Variants in CYP4X1 observed in about 807,000 individuals in gnomAD.
The protein encoded by CYP4X1 is cytochrome P450 family 4 subfamily X member 1.
A neutral mutation model predicts 57.9 loss-of-function variants in CYP4X1; 44 were observed. The observed-to-expected ratio is 0.76, with a 90% CI of 0.60 to 0.98. The LOEUF is 0.98. CYP4X1 is among the 50% of genes least tolerant of loss of function. CYP4X1 has a pLI of 0.00. For missense variants in CYP4X1, 532 were observed against 623.9 expected (o/e 0.85, Z 1.57); for synonymous variants, 227 against 228.6 (o/e 0.99, Z 0.06).
At chr1:46,967,483 G>A in the CYP4X1 span, among the ~76,000 whole-genome samples, 4 of 152,154 alleles carry the variant, frequency 2.6e-5, no homozygotes, top group Non-Finnish European at 4.4e-5. Context: ...AGGTAGGCAG[G>A]AGAGAGGTAG....
chr1:46,967,460 C>G, the CYP4X1 span, among the ~76,000 whole-genome samples: 5 of 151,844 alleles, frequency 3.3e-5, no homozygotes, highest in Admixed American at 2.0e-4. Flanking sequence ...GCTGGATGGA[C>G]AGTCTGTGAT....
At chr1:47,010,237 G>C in the CYP4X1 span, among the ~76,000 whole-genome samples, 4 of 152,166 alleles carry the variant, frequency 2.6e-5, no homozygotes, top group African/African-American at 9.7e-5. Context: ...TTCAACCCTG[G>C]TATGCAAGGC....
chr1:46,962,990 C>T, the CYP4X1 span, among the ~76,000 whole-genome samples: 2 of 152,076 alleles, frequency 1.3e-5, no homozygotes, highest in Non-Finnish European at 2.9e-5. Context: ...TGAATTGATC[C>T]CTTTACCATT....
intron 3 of CYP4X1, 71 bp from the exon 4 acceptor site, chr1:47,033,170 C>T: frequency 2.6e-6 from 4 of 1,551,274 alleles, no homozygotes; most frequent in Non-Finnish European, 3.5e-6. Context: ...TCCACGCTGC[C>T]TGTGTTCCTC....
At chr1:47,002,799 A>G in the CYP4X1 span, among the ~76,000 whole-genome samples, 1 of 152,248 alleles carries the variant, frequency 6.6e-6, no homozygotes, top group South Asian at 2.1e-4. Flanking sequence ...TGTTTCTGCC[A>G]ATATTGTGAT....
chr1:47,023,465 A>C, upstream of CYP4X1: 1 of 944,624 alleles, frequency 1.1e-6, no homozygotes. Flanking sequence ...AATTTGTGAT[A>C]AGGAAGAAAA....
At chr1:46,965,266 C>T in the CYP4X1 span, among the ~76,000 whole-genome samples, 1 of 152,166 alleles carries the variant, frequency 6.6e-6, no homozygotes, top group Admixed American at 6.5e-5. Context: ...TTTCCTGCAC[C>T]CACTGTCTGA....
the CYP4X1 span, among the ~76,000 whole-genome samples, chr1:46,970,508 T>C: frequency 2.0e-5 from 3 of 152,210 alleles, no homozygotes; most frequent in Non-Finnish European, 2.9e-5. Flanking sequence ...AGACTCACCT[T>C]GATCCTATTG....
intron 8 of CYP4X1, among the ~76,000 whole-genome samples, chr1:47,044,096 T>G (rs1345250086): frequency 6.6e-6 from 1 of 152,210 alleles, no homozygotes; most frequent in Admixed American, 6.5e-5. Context: ...AAGGTAATTA[T>G]TGACAGACAA....
At chr1:46,987,647 C>T in the CYP4X1 span, among the ~76,000 whole-genome samples, 1 of 152,192 alleles carries the variant, frequency 6.6e-6, no homozygotes. Context: ...AAACACTCCT[C>T]AGCAAATGCA....
the CYP4X1 span, among the ~76,000 whole-genome samples, chr1:47,005,955 T>C: frequency 2.6e-5 from 4 of 152,216 alleles, no homozygotes; most frequent in African/African-American, 4.8e-5. Context: ...TGTATTTAAC[T>C]TTGAGACATG....
At chr1:46,967,862 T>G in the CYP4X1 span, 2 of 1,109,514 alleles carry the variant, frequency 1.8e-6, no homozygotes, top group Non-Finnish European at 2.4e-6. Context: ...TTTTTCCCAA[T>G]GCAGGTCCTG....
rs564152393 is a variant in CYP4X1, at chr1:47,050,489, C to T, written c.*315C>T. On this transcript the variant is annotated 3_prime_UTR_variant, in exon 12 of 12. Transcript: ENST00000371901. Reference sequence around the variant, plus strand: ...TTCAGAATTATGCAAGTAATAAGTGCATGTATGCTCACTGTCAAAAATTCC... The same window carrying T: ...TTCAGAATTATGCAAGTAATAAGTGTATGTATGCTCACTGTCAAAAATTCC... 14 of 173,814 alleles carry T rather than the reference C, an allele frequency of 8.1e-5. No individual in the cohort carries two copies. The South Asian group carries it at 2.2e-3, about 27-fold the overall frequency. The allele number at this position is 173,814 out of a possible 1,614,324, so 10.8% of individuals were successfully genotyped here. A position where few individuals can be genotyped will look rare whatever the true frequency, so the allele number is the denominator to read the frequency against.
At chr1:46,968,130 G>A in the CYP4X1 span, among the ~76,000 whole-genome samples, 1 of 152,108 alleles carries the variant, frequency 6.6e-6, no homozygotes, top group African/African-American at 2.4e-5. Flanking sequence ...AAGGGCACTA[G>A]AAATTTTTCT....
chr1:46,973,215 G>C, the CYP4X1 span, among the ~76,000 whole-genome samples: 1 of 151,984 alleles, frequency 6.6e-6, no homozygotes, highest in African/African-American at 2.4e-5. Flanking sequence ...TTCTGTGTAT[G>C]TGATGAATCA....
the CYP4X1 span, among the ~76,000 whole-genome samples, chr1:47,010,734 T>C: frequency 1.3e-5 from 2 of 152,280 alleles, no homozygotes; most frequent in South Asian, 4.1e-4. Flanking sequence ...AAAATCAATG[T>C]GCAAAAATCA....
At position 47,050,045 on chromosome 1, in the gene CYP4X1, C is replaced by T. The variant is rs753876709; in HGVS notation, c.1401C>T (p.Thr467=). ...TTGCCATGATTGAGTTAAAGGTAAC[C>T]ATTGCCTTGATTCTGCTCCACTTCA... The part of the protein sequence containing the change: ...QEFAMIELKV[T]IALILLHFRV... The change falls in exon 12 of 12, where the codon ACC becomes ACT. Residue 467 remains threonine, a synonymous_variant. Transcript: ENST00000371901. The T allele has an allele frequency of 3.1e-6, 5 of 1,613,828 alleles. No homozygotes were observed. In the Admixed American group the frequency reaches 8.3e-5, roughly 27 times the overall value.
At chr1:47,006,658 G>T in the CYP4X1 span, among the ~76,000 whole-genome samples, 4 of 152,134 alleles carry the variant, frequency 2.6e-5, no homozygotes, top group African/African-American at 4.8e-5. Context: ...GAAGTGCAAG[G>T]GGTCAGGGAA....
At chr1:47,033,820 C>A (rs1644149950) in intron 4 of CYP4X1, among the ~76,000 whole-genome samples, 1 of 152,184 alleles carries the variant, frequency 6.6e-6, no homozygotes, top group Non-Finnish European at 1.5e-5. Context: ...GATCCCTGTG[C>A]CATTACCCTC....
Sources: allele counts gnomAD v4.1 joint callset (sites outside exome capture counted in the v4.1 genomes callset), GRCh38; gene constraint gnomAD v4.1.1; transcripts MANE v1.5; gene names NCBI Gene and HGNC (gene_info 2026-07-23, HGNC 2026-07-21).